Variants in TTC23 observed in about 807,000 individuals in gnomAD.
The protein encoded by TTC23 is tetratricopeptide repeat domain 23.
In TTC23, 58 loss-of-function variants were observed where a neutral mutation model predicts 55.1. The ratio of observed to expected loss-of-function variants is 1.05; its 90% CI spans 0.85 to 1.31. The LOEUF is 1.31. Among genes scored for constraint, TTC23 ranks in the 50% most tolerant of loss-of-function variants. The probability of loss-of-function intolerance (pLI) is 0.00; values close to 1 mark genes in which losing one functional copy is unlikely to be tolerated. For synonymous variants in TTC23, 203 were observed against 199.9 expected (o/e 1.02, Z -0.13); for missense variants, 516 against 534.4 (o/e 0.97, Z 0.34).
intron 11 of TTC23, 98 bp downstream of exon 11, chr15:99,161,642 C>T (rs144177036): frequency 8.6e-6 from 12 of 1,402,598 alleles, no homozygotes; most frequent in Middle Eastern, 1.8e-4. Flanking sequence ...ACATGCTTTG[C>T]ACACAGTAGA....
rs2067704352 is a variant in TTC23, at chr15:99,137,734, C to T, written c.*276G>A. 7.1e-6 allele frequency: 3 copies of T among 424,556 alleles called. No homozygotes were observed. Among genetic ancestry groups the T allele is most frequent in the African/African-American group, 6.0e-5 (3 of 50,174 alleles). The allele number at this position is 424,556 out of a possible 1,614,324, so 26.3% of individuals were successfully genotyped here. ...AACTGTTGAAGAGAAGTTTTTCAGC[C>T]ACAGTAGTGCTGATGGGTAAAAATT... On this transcript the variant is annotated 3_prime_UTR_variant, in exon 14 of 14. Transcript: ENST00000394132.
At chr15:99,206,500 T>C (rs187098142) in intron 8 of TTC23, among the ~76,000 whole-genome samples, 14 of 152,342 alleles carry the variant, frequency 9.2e-5, no homozygotes, top group Non-Finnish European at 1.6e-4. Context: ...TATTGGTTTA[T>C]TCAGGTTTCT....
chr15:99,204,965 G>A (rs1031268397), intron 8 of TTC23, among the ~76,000 whole-genome samples: 3 of 152,180 alleles, frequency 2.0e-5, no homozygotes, highest in Admixed American at 6.6e-5. Flanking sequence ...ATTTTAATTC[G>A]ATTTTTGCAT....
chr15:99,236,949 C>T (rs553977074), intron 3 of TTC23, among the ~76,000 whole-genome samples: 3 of 150,600 alleles, frequency 2.0e-5, no homozygotes, highest in South Asian at 2.1e-4. Flanking sequence ...GTTAAACATA[C>T]GCTTAGCACA....
intron 9 of TTC23, among the ~76,000 whole-genome samples, chr15:99,180,792 T>G (rs1309622153): frequency 1.3e-5 from 2 of 152,188 alleles, no homozygotes; most frequent in Non-Finnish European, 2.9e-5. Context: ...AAAGTAGAGA[T>G]TAAGTACACA....
Position 99,200,114 on chromosome 15 carries a change from ATTATT to A in TTC23, c.582-23_582-19del, listed in dbSNP as rs749067885. The A allele has an allele frequency of 6.5e-7, 1 of 1,548,596 alleles. No individual in the cohort carries two copies. Among genetic ancestry groups the A allele is most frequent in the Non-Finnish European group, 8.7e-7 (1 of 1,151,740 alleles). On this transcript the variant is annotated intron_variant, in intron 8 of 13. Coordinates refer to ENST00000394132, the MANE Select transcript of TTC23 (RefSeq NM_001288615.3). ...GATACACCCTAAAAAAATCAAAGGAATTATTTTATTTAATAATTAAAATAGAAAAT... is the reference window on the plus strand; with the variant it reads ...GATACACCCTAAAAAAATCAAAGGAATTATTTAATAATTAAAATAGAAAAT...
chr15:99,174,997 C>T (rs962633383), intron 10 of TTC23, 53 bp downstream of exon 10: 4 of 1,541,048 alleles, frequency 2.6e-6, no homozygotes, highest in South Asian at 2.3e-5. Context: ...GAAGGCAGCT[C>T]GTTTATAGAC....
In TTC23 at chr15:99,151,918, C is replaced by T. The variant is rs76233170; in HGVS notation, c.1143+4230G>A. Among the ~76,000 whole-genome samples the T allele has an allele frequency of 8.8e-3, 1,341 of 152,282 alleles. 20 individuals are homozygous for T. Among genetic ancestry groups the T allele is most frequent in the African/African-American group, 0.031 (1,294 of 41,562 alleles). On this transcript the variant is annotated intron_variant, in intron 12 of 13. Coordinates refer to ENST00000394132, the MANE Select transcript of TTC23 (RefSeq NM_001288615.3). ...GAGCCACGAGATCAAGGCCAAGACACGTCTCTCTCAGCCTCAGTTTCCCTC... is the reference window on the plus strand; with the variant it reads ...GAGCCACGAGATCAAGGCCAAGACATGTCTCTCTCAGCCTCAGTTTCCCTC...
At position 99,218,900 on chromosome 15, in the gene TTC23, T is replaced by C. The variant is rs970750478; in HGVS notation, c.453A>G (p.Gln151=). Residue 151 remains glutamine, a splice_region_variant and synonymous_variant, in exon 7 of 14, where the codon CAA becomes CAG. Transcript: ENST00000394132. ...AAAAGTTAGAGGCAAAAGGATACTT[T>C]TGAAGGGAGAGTAAAGCTCTGCCCA... The part of the protein sequence containing the change: ...HTMGRALLSL[Q]KFKEAAENLT... The C allele has an allele frequency of 8.1e-6, 13 of 1,612,562 alleles. No individual in the cohort carries two copies. Among genetic ancestry groups the C allele is most frequent in the Admixed American group, 5.0e-5 (3 of 59,680 alleles).
chr15:99,202,577 T>C (rs1468337675), intron 8 of TTC23, among the ~76,000 whole-genome samples: 3 of 152,174 alleles, frequency 2.0e-5, no homozygotes, highest in Non-Finnish European at 4.4e-5. Context: ...GAAAAGTGTT[T>C]GGGGGTTTGT....
At chr15:99,194,553 A>C (rs1409460996) in intron 9 of TTC23, among the ~76,000 whole-genome samples, 1 of 114,740 alleles carries the variant, frequency 8.7e-6, no homozygotes, top group African/African-American at 3.6e-5. Context: ...CATCACGTGC[A>C]AAAAAAAAAA....
chr15:99,248,421 G>A (rs1406897210), intron 1 of TTC23: 6 of 152,052 alleles, frequency 3.9e-5, no homozygotes, highest in Non-Finnish European at 8.8e-5. Context: ...ACCTTCTGCC[G>A]CAGTCAGAAC....
In TTC23 at chr15:99,218,540, A is replaced by G. The variant is rs2077651474; in HGVS notation, c.581+48T>C. 1.9e-6 allele frequency: 3 copies of G among 1,611,828 alleles called. No homozygotes were observed. The African/African-American group carries it at 4.0e-5, about 22-fold the overall frequency. ...CTACCTGAGACAGATTCTACAGGCA[A>G]AGAGCCTCCCGCCATCATGTATGCA... On this transcript the variant is annotated intron_variant, in intron 8 of 13. Transcript: ENST00000394132.
intron 8 of TTC23, among the ~76,000 whole-genome samples, chr15:99,216,847 T>C (rs571708005): frequency 1.2e-4 from 18 of 152,302 alleles, no homozygotes; most frequent in African/African-American, 3.6e-4. Context: ...ACCCCTGGAA[T>C]ATAAACCTCA....
At chr15:99,213,880 T>C (rs1358964776) in intron 8 of TTC23, among the ~76,000 whole-genome samples, 2 of 152,352 alleles carry the variant, frequency 1.3e-5, no homozygotes, top group African/African-American at 4.8e-5. Context: ...GGTGAAAACA[T>C]GCATGCATTT....
intron 9 of TTC23, among the ~76,000 whole-genome samples, chr15:99,197,905 CAAA>C (rs199825292): frequency 7.8e-6 from 1 of 128,556 alleles, no homozygotes. Flanking sequence ...TCCGCTCAAA[CAAA>C]AAAAAAAAAG....
rs944163952 is a variant in TTC23, at chr15:99,161,781, C to T, written c.952G>A (p.Asp318Asn). Reference protein sequence around the residue: ...MGRTKFLSIQDEFCHFLQMTG... With the variant: ...MGRTKFLSIQNEFCHFLQMTG... ...ATTTGTAGAAAATGGCAAAATTCAT[C>T]TTGAATTGAAAGAAATTTGGTTCTT... Residue 318 changes from aspartate (D) to asparagine (N), a missense_variant, in exon 11 of 14, where the codon GAT becomes AAT. Asp to Asn is a conservative substitution (Grantham distance 23, BLOSUM62 1). Coordinates refer to ENST00000394132, the MANE Select transcript of TTC23 (RefSeq NM_001288615.3). 6.2e-7 allele frequency: 1 copy of T among 1,613,444 alleles called. No individual in the cohort carries two copies. The highest frequency in any genetic ancestry group is 1.3e-5 in the African/African-American group (1 of 74,916).
At chr15:99,171,003 T>C (rs542238952) in intron 10 of TTC23, among the ~76,000 whole-genome samples, 1 of 152,350 alleles carries the variant, frequency 6.6e-6, no homozygotes, top group South Asian at 2.1e-4. Flanking sequence ...AGGGTTCTTC[T>C]TGCTTTTATT....
intron 2 of TTC23, among the ~76,000 whole-genome samples, chr15:99,243,067 A>G (rs983941146): frequency 9.2e-5 from 14 of 152,346 alleles, no homozygotes; most frequent in Non-Finnish European, 1.8e-4. Flanking sequence ...GAGACAACCC[A>G]CAGAATGGGA....
Sources: allele counts gnomAD v4.1 joint callset (sites outside exome capture counted in the v4.1 genomes callset), GRCh38; gene constraint gnomAD v4.1.1; transcripts MANE v1.5; gene names NCBI Gene and HGNC (gene_info 2026-07-23, HGNC 2026-07-21).